The following ERBB4 variants were observed in gnomAD, a reference collection of about 807,000 sequenced individuals.
ERBB4 encodes the protein erb-b2 receptor tyrosine kinase 4.
Under a neutral mutation model 158.0 loss-of-function variants are expected in ERBB4, and 42 were observed. The observed-to-expected ratio is 0.27, with a 90% CI of 0.21 to 0.34. The LOEUF is 0.34. Among genes scored for constraint, ERBB4 ranks in the 10% least tolerant of loss-of-function variants. The probability of loss-of-function intolerance (pLI) is 1.00; values close to 1 mark genes in which losing one functional copy is unlikely to be tolerated. For missense variants in ERBB4, 1,333 were observed against 1,624.1 expected, an observed-to-expected ratio of 0.82 and a Z score of 3.08; for synonymous variants, 583 against 558.7, an observed-to-expected ratio of 1.04 and a Z score of -0.61.
At chr2:211,541,935 A>G (rs1559277544) in intron 20 of ERBB4, among the ~76,000 whole-genome samples, 1 of 152,042 alleles carries the variant, frequency 6.6e-6, no homozygotes, top group South Asian at 2.1e-4. Context: ...AAAAATGAGC[A>G]TGAGTTTTAG....
intron 20 of ERBB4, among the ~76,000 whole-genome samples, chr2:211,435,081 T>A (rs1444264280): frequency 2.6e-5 from 4 of 152,194 alleles, no homozygotes. Flanking sequence ...AAATAACTCT[T>A]CAAATTAGAG....
At chr2:212,086,569 GGCCCAGAGTGGCTACATTTTT>G (rs1472781504) in intron 2 of ERBB4, among the ~76,000 whole-genome samples, 1 of 151,748 alleles carries the variant, frequency 6.6e-6, no homozygotes, top group African/African-American at 2.4e-5. Flanking sequence ...TGGTAATCAA[GGCCCAGAGTGGCTACATTTTT>G]GCCCAGTATC....
At position 211,396,591 on chromosome 2, in the gene ERBB4, C is replaced by T. The variant is rs957265296; in HGVS notation, c.3136-8599G>A. On this transcript the variant is annotated intron_variant, in intron 25 of 27. Transcript: ENST00000342788. Reference sequence around the variant, plus strand: ...GTGTGAGAATGTAAAAAATATGAAGCGCACGGTTTGTGTATTGGAGGATGG... The same window carrying T: ...GTGTGAGAATGTAAAAAATATGAAGTGCACGGTTTGTGTATTGGAGGATGG... 4.6e-5 allele frequency among the ~76,000 whole-genome samples: 7 copies of T among 151,984 alleles called. No homozygotes were observed. The East Asian group carries it at 5.8e-4, about 13-fold the overall frequency.
Position 212,483,664 on chromosome 2 carries a change from C to T in ERBB4, c.82+54785G>A, listed in dbSNP as rs1689824765. Among the ~76,000 whole-genome samples, 3 of 151,056 alleles carry T rather than the reference C, an allele frequency of 2.0e-5. No individual in the cohort carries two copies. In the South Asian group the frequency reaches 6.3e-4, roughly 32 times the overall value. ...TAGGCCTTTAACTCCTTCTGGAACT[C>T]TTTCAAGAAGCCTCACCCATTGACT... On this transcript the variant is annotated intron_variant, in intron 1 of 27. Coordinates refer to ENST00000342788, the MANE Select transcript of ERBB4 (RefSeq NM_005235.3).
In ERBB4 at chr2:212,125,379, G is replaced by C. The variant is rs187297919; in HGVS notation, c.83-476C>G. Among the ~76,000 whole-genome samples, 23 of 152,158 alleles carry C rather than the reference G, an allele frequency of 1.5e-4. No individual in the cohort carries two copies. The East Asian group carries it at 3.7e-3, about 24-fold the overall frequency. ...AGTAAATTTTTTACTAAATAAACTA[G>C]CACCTACAAGACCTCAAACATGCGT... is the stretch of plus-strand genomic sequence containing the variant. On this transcript the variant is annotated intron_variant, in intron 1 of 27. Coordinates refer to ENST00000342788, the MANE Select transcript of ERBB4 (RefSeq NM_005235.3).
At chr2:211,672,165 C>A (rs943409446) in intron 14 of ERBB4, among the ~76,000 whole-genome samples, 2 of 151,988 alleles carry the variant, frequency 1.3e-5, no homozygotes, top group Non-Finnish European at 2.9e-5. Flanking sequence ...TTTTTCTAAG[C>A]TAATTAAGTG....
intron 20 of ERBB4, among the ~76,000 whole-genome samples, chr2:211,470,340 G>A (rs981413721): frequency 1.3e-5 from 2 of 152,076 alleles, no homozygotes; most frequent in African/African-American, 2.4e-5. Context: ...TGCCCAGACT[G>A]ACTCCTCTTT....
intron 1 of ERBB4, among the ~76,000 whole-genome samples, chr2:212,182,002 T>C (rs1202865288): frequency 6.6e-6 from 1 of 151,752 alleles, no homozygotes; most frequent in African/African-American, 2.4e-5. Context: ...TGTGGTAACC[T>C]TACCACATTT....
chr2:212,395,614 C>CTTTTTT (rs760604732), intron 1 of ERBB4, among the ~76,000 whole-genome samples: 27 of 84,722 alleles, frequency 3.2e-4, no homozygotes, highest in East Asian at 6.4e-4. Flanking sequence ...CAGTTACACT[C>CTTTTTT]TTTTTTTTTT....
rs61042785 is a variant in ERBB4, at chr2:211,513,357, C to CAAAA, written c.2487+48542_2487+48545dup. ...TGGGCGACAGAGCGAGACTCCGTCT[C>CAAAA]AAAAAAAAAAAAAAAAAAACAAAAA... On this transcript the variant is annotated intron_variant, in intron 20 of 27. Coordinates refer to ENST00000342788, the MANE Select transcript of ERBB4 (RefSeq NM_005235.3). Among the ~76,000 whole-genome samples the CAAAA allele has an allele frequency of 1.5e-3, 57 of 39,174 alleles. 1 individual carries two copies. Among genetic ancestry groups the CAAAA allele is most frequent in the African/African-American group, 3.2e-3 (48 of 15,128 alleles). 25.7% of individuals were successfully genotyped at this position (39,174 alleles called of 152,430 possible).
intron 2 of ERBB4, among the ~76,000 whole-genome samples, chr2:212,067,913 T>A (rs1329224957): frequency 2.6e-5 from 4 of 152,034 alleles, no homozygotes; most frequent in African/African-American, 9.7e-5. Flanking sequence ...CAGAGAGGAA[T>A]CTACACAATC....
Position 211,630,598 on chromosome 2 carries a change from A to G in ERBB4, c.1947-4T>C, listed in dbSNP as rs2070073830. The G allele has an allele frequency of 6.2e-7, 1 of 1,610,328 alleles. No homozygotes were observed. On this transcript the variant is annotated splice_polypyrimidine_tract_variant and splice_region_variant and intron_variant, in intron 16 of 27. Coordinates refer to ENST00000342788, the MANE Select transcript of ERBB4 (RefSeq NM_005235.3). The stretch of plus-strand genomic sequence containing the variant: ...TCCAGCTGCAATCAGGGGAGTTCTG[A>G]CAACCAGAATGAGAAAAAAAAAAAT...
At chr2:211,598,134 A>G (rs1315279417) in intron 19 of ERBB4, among the ~76,000 whole-genome samples, 3 of 152,094 alleles carry the variant, frequency 2.0e-5, no homozygotes, top group African/African-American at 7.2e-5. Flanking sequence ...GAGAGGCTCC[A>G]GAGCTTTAGA....
At chr2:211,518,899 A>G (rs1019509506) in intron 20 of ERBB4, among the ~76,000 whole-genome samples, 2 of 152,132 alleles carry the variant, frequency 1.3e-5, no homozygotes, top group African/African-American at 4.8e-5. Flanking sequence ...TAATTTACTT[A>G]TTTTTAAAAT....
At chr2:211,449,797 A>G (rs947267391) in intron 20 of ERBB4, among the ~76,000 whole-genome samples, 1 of 152,088 alleles carries the variant, frequency 6.6e-6, no homozygotes, top group Admixed American at 6.5e-5. Context: ...CATGTAAGTT[A>G]CAGGCCTGGA....
intron 20 of ERBB4, among the ~76,000 whole-genome samples, chr2:211,482,418 C>G (rs1212609311): frequency 6.6e-6 from 1 of 152,114 alleles, no homozygotes; most frequent in Non-Finnish European, 1.5e-5. Context: ...TCTGGCCTAA[C>G]AAAGCTTTTT....
chr2:211,824,245 A>G (rs1428610082), intron 3 of ERBB4, among the ~76,000 whole-genome samples: 3 of 151,974 alleles, frequency 2.0e-5, no homozygotes, highest in African/African-American at 7.2e-5. Flanking sequence ...CTTTCGAAAA[A>G]CAGTATCTTG....
At chr2:212,182,704 T>C (rs775024206) in intron 1 of ERBB4, among the ~76,000 whole-genome samples, 1 of 151,868 alleles carries the variant, frequency 6.6e-6, no homozygotes, top group South Asian at 2.1e-4. Flanking sequence ...AAATTAAACA[T>C]AGGTGGGAGT....
intron 1 of ERBB4, among the ~76,000 whole-genome samples, chr2:212,234,704 G>A (rs564048095): frequency 6.6e-6 from 1 of 152,224 alleles, no homozygotes; most frequent in South Asian, 2.1e-4. Context: ...TCTCATTGTG[G>A]TTTTGACTTA....
Sources: allele counts gnomAD v4.1 joint callset (sites outside exome capture counted in the v4.1 genomes callset), GRCh38; gene constraint gnomAD v4.1.1; transcripts MANE v1.5; gene names NCBI Gene and HGNC (gene_info 2026-07-23, HGNC 2026-07-21).